Variants in AK8 observed in about 807,000 individuals in gnomAD.
AK8 encodes ATP-AMP transphosphorylase 8.
A neutral mutation model predicts 54.6 loss-of-function variants in AK8; 44 were observed. The observed-to-expected ratio is 0.81, with a 90% CI of 0.63 to 1.04. The LOEUF is 1.04. Ranked by LOEUF, AK8 falls within the 50% of genes least tolerant of loss-of-function variation. The pLI is 0.00. For missense variants in AK8, 555 were observed against 613.6 expected (o/e 0.90, Z 1.01); for synonymous variants, 239 against 245.6 (o/e 0.97, Z 0.25).
chr9:132,846,827 C>T (rs189624714), intron 5 of AK8, among the ~76,000 whole-genome samples: 56 of 152,364 alleles, frequency 3.7e-4, no homozygotes, highest in African/African-American at 1.2e-3. Flanking sequence ...CCGCTTCCCC[C>T]GGTGTGGCTC....
chr9:132,871,473 C>T (rs1843828078), intron 2 of AK8, among the ~76,000 whole-genome samples: 1 of 152,174 alleles, frequency 6.6e-6, no homozygotes, highest in Non-Finnish European at 1.5e-5. Flanking sequence ...CAGCTGAGGG[C>T]CTGCGGTGGA....
At chr9:132,862,774 G>A (rs147940966) in intron 4 of AK8, among the ~76,000 whole-genome samples, 185 of 152,264 alleles carry the variant, frequency 1.2e-3, no homozygotes, top group African/African-American at 4.1e-3. Context: ...TAGCTAGCCC[G>A]GGCAGATCCC....
chr9:132,805,971 GCCACCC>G (rs1840703902), intron 10 of AK8, among the ~76,000 whole-genome samples: 2 of 151,930 alleles, frequency 1.3e-5, no homozygotes, highest in Admixed American at 6.6e-5. Context: ...AAACCTCTAG[GCCACCC>G]TACAGCGGGG....
chr9:132,776,736 C>T (rs1839238830), intron 11 of AK8, among the ~76,000 whole-genome samples: 1 of 152,094 alleles, frequency 6.6e-6, no homozygotes, highest in African/African-American at 2.4e-5. Context: ...TTAGGACAGG[C>T]CAGTGCCTTC....
intron 2 of AK8, among the ~76,000 whole-genome samples, chr9:132,868,953 C>T (rs750634051): frequency 1.3e-5 from 2 of 152,052 alleles, no homozygotes; most frequent in Non-Finnish European, 2.9e-5. Context: ...CCGAGATGGG[C>T]GGATCACTTG....
rs116388223 is a variant in AK8 at position 132,752,177 on chromosome 9, T to C, written c.1122-24643A>G. ...TAGAGTAGTTTTTAAAATATTGGAA[T>C]AGACATACACCCAAATGTCAACATT... On this transcript the variant is annotated intron_variant, in intron 11 of 12. Transcript: ENST00000298545. Among the ~76,000 whole-genome samples, 1,205 of 151,924 alleles carry C rather than the reference T, an allele frequency of 7.9e-3. 17 individuals carry two copies. The highest frequency in any genetic ancestry group is 0.028 in the African/African-American group (1,161 of 41,448).
chr9:132,751,259 C>T (rs1325729915), intron 11 of AK8, among the ~76,000 whole-genome samples: 5 of 151,198 alleles, frequency 3.3e-5, no homozygotes, highest in African/African-American at 1.2e-4. Context: ...TGGTGCACGC[C>T]TGTAATCCCA....
chr9:132,834,877 T>G (rs907105321), intron 5 of AK8, among the ~76,000 whole-genome samples: 78 of 152,104 alleles, frequency 5.1e-4, no homozygotes, highest in African/African-American at 1.9e-3. Flanking sequence ...GCCTTTTTTT[T>G]TTTTTTTGAG....
At chr9:132,731,970 G>A (rs1488969671) in intron 11 of AK8, among the ~76,000 whole-genome samples, 1 of 152,182 alleles carries the variant, frequency 6.6e-6, no homozygotes, top group Non-Finnish European at 1.5e-5. Context: ...ATAGTAATAT[G>A]CATTTATATA....
At chr9:132,807,247 C>T (rs1035518834) in intron 10 of AK8, among the ~76,000 whole-genome samples, 6 of 152,122 alleles carry the variant, frequency 3.9e-5, no homozygotes, top group Admixed American at 6.6e-5. Context: ...ACTGGGCCGA[C>T]GAGCCAGTTG....
intron 5 of AK8, among the ~76,000 whole-genome samples, chr9:132,854,265 TGACCCAATAGG>T (rs1051896645): frequency 2.6e-5 from 4 of 152,190 alleles, no homozygotes; most frequent in African/African-American, 9.7e-5. Context: ...AGTAATGACA[TGACCCAATAGG>T]GTTCCTGTGA....
At chr9:132,825,790 T>C (rs1841844975) in intron 8 of AK8, among the ~76,000 whole-genome samples, 1 of 152,240 alleles carries the variant, frequency 6.6e-6, no homozygotes, top group Admixed American at 6.5e-5. Context: ...AGGACTTTTC[T>C]TGGAGAGTTT....
chr9:132,815,827 G>A (rs974001717), intron 9 of AK8, among the ~76,000 whole-genome samples: 1 of 152,202 alleles, frequency 6.6e-6, no homozygotes, highest in Non-Finnish European at 1.5e-5. Context: ...TTCACTGCAC[G>A]CTTTTGGCTT....
At chr9:132,736,272 C>T (rs1413349329) in intron 11 of AK8, among the ~76,000 whole-genome samples, 4 of 151,520 alleles carry the variant, frequency 2.6e-5, no homozygotes, top group Admixed American at 1.3e-4. Flanking sequence ...CTGCAACCTC[C>T]GCCTCCCGGA....
At position 132,791,828 on chromosome 9, in the gene AK8, T is replaced by C. The variant is rs1839959734; in HGVS notation, c.1121+806A>G. On this transcript the variant is annotated intron_variant, in intron 11 of 12. Transcript: ENST00000298545. This position sits in a 1 kb window ranked among gnomAD's most constrained non-coding sequence, Gnocchi z 4.0. ...AAAGGACCAGGACTTGATCAGGAAT[T>C]GACAGCTTCCCTCATTTTTGCCACC... Among the ~76,000 whole-genome samples the C allele has an allele frequency of 6.6e-6, 1 of 152,198 alleles. No individual in the cohort carries two copies.
intron 5 of AK8, among the ~76,000 whole-genome samples, chr9:132,834,011 C>G (rs549472655): frequency 6.6e-6 from 1 of 152,246 alleles, no homozygotes; most frequent in Non-Finnish European, 1.5e-5. Context: ...TGGCTCGCAG[C>G]TCCGACTGCA....
chr9:132,763,469 T>G (rs1838579136), intron 11 of AK8, among the ~76,000 whole-genome samples: 2 of 152,254 alleles, frequency 1.3e-5, no homozygotes, highest in Admixed American at 6.5e-5. Flanking sequence ...TTACATATTT[T>G]AAGTTTGGCC....
chr9:132,868,430 G>A (rs956712722), intron 2 of AK8, among the ~76,000 whole-genome samples: 4 of 152,132 alleles, frequency 2.6e-5, no homozygotes, highest in African/African-American at 9.7e-5. Flanking sequence ...CCTTATGGCT[G>A]TTCCCTCCAC....
chr9:132,866,804 G>A, intron 3 of AK8, 100 bp downstream of exon 3: 1 of 1,140,710 alleles, frequency 8.8e-7, no homozygotes, highest in Non-Finnish European at 1.3e-6. Flanking sequence ...AAGAAGAAAA[G>A]CTCAGTTATG....
Sources: gnomAD v4.1 joint callset for allele counts (sites outside exome capture counted in the v4.1 genomes callset) on GRCh38, gnomAD v4.1.1 for gene constraint, Gnocchi (gnomAD v3.1) non-coding constraint, MANE v1.5 for transcripts, NCBI Gene and HGNC (gene_info 2026-07-23, HGNC 2026-07-21) for gene names.